DDI2: variants seen among roughly 807,000 people sequenced by gnomAD.
DDI2 encodes protein DDI1 homolog 2.
Under a neutral mutation model 48.1 loss-of-function variants are expected in DDI2, and 5 were observed. The ratio of observed to expected loss-of-function variants is 0.10; its 90% CI spans 0.05 to 0.22. The LOEUF (loss-of-function observed/expected upper bound fraction) is 0.22. Ranked by LOEUF, DDI2 falls within the 10% of genes least tolerant of loss-of-function variation. The pLI is 1.00. For missense variants in DDI2, 285 were observed against 506.2 expected (o/e 0.56, Z 4.19); for synonymous variants, 205 against 183.6 (o/e 1.12, Z -0.94).
At chr1:15,654,199 G>A (rs1018516769) in intron 8 of DDI2, among the ~76,000 whole-genome samples, 3 of 152,204 alleles carry the variant, frequency 2.0e-5, no homozygotes, top group Admixed American at 1.3e-4. Flanking sequence ...AGTGGTAAGA[G>A]TTTTAAAAAC....
chr1:15,636,119 G>C (rs6668726), intron 4 of DDI2, among the ~76,000 whole-genome samples: 1 of 152,028 alleles, frequency 6.6e-6, no homozygotes, highest in Non-Finnish European at 1.5e-5. Context: ...ACTGTAGTTA[G>C]AGCAGGAGTC....
chr1:15,641,955 C>CAAAAAA, intron 5 of DDI2, among the ~76,000 whole-genome samples: 1 of 79,374 alleles, frequency 1.3e-5, no homozygotes, highest in East Asian at 6.0e-4. Context: ...AATTCAGTCT[C>CAAAAAA]AAAAAAAAAA....
rs953942999 is a variant in DDI2, at chr1:15,663,525, A to G, written c.*3735A>G. The G allele has an allele frequency of 2.0e-5, 3 of 152,204 alleles. No individual in the cohort carries two copies. The highest frequency in any genetic ancestry group is 4.4e-5 in the Non-Finnish European group (3 of 68,034). The allele number at this position is 152,204 out of a possible 1,614,324, so 9.4% of individuals were successfully genotyped here. On this transcript the variant is annotated 3_prime_UTR_variant, in exon 10 of 10. Transcript: ENST00000480945. ...CTGCTTTTCAGAGGGCGTGAAGAAC[A>G]ACAGGTCAGCCAGGTTGTCTTTAAG...
At chr1:15,623,552 C>A (rs1639703569) in intron 1 of DDI2, among the ~76,000 whole-genome samples, 1 of 84,448 alleles carries the variant, frequency 1.2e-5, no homozygotes, top group Non-Finnish European at 2.3e-5. Flanking sequence ...TGCTACCATG[C>A]CTGGCTTATT....
intron 4 of DDI2, among the ~76,000 whole-genome samples, chr1:15,636,264 G>A (rs746189868): frequency 6.6e-6 from 1 of 152,066 alleles, no homozygotes; most frequent in Non-Finnish European, 1.5e-5. Flanking sequence ...GAGTAGCTGG[G>A]TCTATAGGCA....
rs1238987132 is a variant in DDI2, at chr1:15,660,281, C to T, written c.*491C>T. On this transcript the variant is annotated 3_prime_UTR_variant, in exon 10 of 10. Transcript: ENST00000480945. ...GAAGCTAGTTTATCTGTCACATCTA[C>T]TAGGATGCATGAACCACAGATGTTT... The T allele has an allele frequency of 1.2e-6, 2 of 1,614,176 alleles. No homozygotes were observed. Among genetic ancestry groups the T allele is most frequent in the Non-Finnish European group, 1.7e-6 (2 of 1,180,034 alleles).
intron 9 of DDI2, 68 bp downstream of exon 9, chr1:15,656,747 A>G (rs898898393): frequency 6.2e-7 from 1 of 1,602,028 alleles, no homozygotes; most frequent in African/African-American, 1.3e-5. Context: ...CTGTATCCGC[A>G]GCAGTTTGGG....
chr1:15,624,298 G>GT (rs1639718985), intron 1 of DDI2, among the ~76,000 whole-genome samples: 1 of 152,058 alleles, frequency 6.6e-6, no homozygotes, highest in Non-Finnish European at 1.5e-5. Flanking sequence ...TGGTTTATGT[G>GT]TTTTTTCCAA....
In DDI2 at chr1:15,630,378, C is replaced by T. The variant is rs564313462; in HGVS notation, c.322C>T (p.Arg108Trp). The T allele has an allele frequency of 4.8e-5, 78 of 1,614,052 alleles. No individual in the cohort carries two copies. Among genetic ancestry groups the T allele is most frequent in the Non-Finnish European group, 6.2e-5 (73 of 1,180,046 alleles). ...AGCTGTGCCTGGCACATCAAGTCCC[C>T]GGCAGCGCCAGCCACCAGGAACACA... ...SIAVPGTSSP[R>W]QRQPPGTQQS... Residue 108 changes from arginine (R) to tryptophan (W), a missense_variant, in exon 3 of 10, where the codon CGG becomes TGG. Transcript: ENST00000480945.
At chr1:15,639,247 C>T (rs747106627) in intron 5 of DDI2, among the ~76,000 whole-genome samples, 1 of 152,044 alleles carries the variant, frequency 6.6e-6, no homozygotes, top group African/African-American at 2.4e-5. Flanking sequence ...AGTAAGACTA[C>T]ACCATGCAGC....
At position 15,661,133 on chromosome 1, in the gene DDI2, T is replaced by C; in HGVS notation, c.*1343T>C. 6.2e-7 allele frequency: 1 copy of C among 1,614,028 alleles called. No individual in the cohort carries two copies. The highest frequency in any genetic ancestry group is 8.5e-7 in the Non-Finnish European group (1 of 1,179,992). On this transcript the variant is annotated 3_prime_UTR_variant, in exon 10 of 10. Coordinates refer to ENST00000480945, the MANE Select transcript of DDI2 (RefSeq NM_032341.5). ...GTCTCCTTTCATCAGGCCATATCTG[T>C]ATCAGTGGAGACAGAAAAATTAACA...
At chr1:15,640,822 A>G (rs550487341) in intron 5 of DDI2, among the ~76,000 whole-genome samples, 3 of 152,044 alleles carry the variant, frequency 2.0e-5, no homozygotes, top group African/African-American at 4.8e-5. Flanking sequence ...GGTACCTGTG[A>G]GTAATATGAG....
At chr1:15,651,582 G>T in intron 7 of DDI2, 124 bp from the exon 8 acceptor site, 1 of 867,260 alleles carries the variant, frequency 1.2e-6, no homozygotes, top group Non-Finnish European at 1.7e-6. Flanking sequence ...GCCTCCCAAA[G>T]TGCTGGGATT....
chr1:15,632,936 A>ATTTT lies in DDI2; in HGVS notation c.506-503_506-502insTTTT, dbSNP rs1557614994. On this transcript the variant is annotated intron_variant, in intron 3 of 9. Coordinates refer to ENST00000480945, the MANE Select transcript of DDI2 (RefSeq NM_032341.5). ...ACTTTTTTTTTTTTTTTTTTTAAAA[A>ATTTT]AAAAAAAACAGGGTCTCACCATGTC... 3.8e-3 allele frequency among the ~76,000 whole-genome samples: 466 copies of ATTTT among 122,270 alleles called. 2 individuals are homozygous for ATTTT. Among genetic ancestry groups the ATTTT allele is most frequent in the African/African-American group, 0.013 (410 of 31,062 alleles). 80.2% of individuals were successfully genotyped at this position (122,270 alleles called of 152,430 possible).
intron 1 of DDI2, 41 bp downstream of exon 1, chr1:15,617,849 C>T (rs1639587870): frequency 4.0e-6 from 6 of 1,505,314 alleles, no homozygotes; most frequent in East Asian, 2.5e-5. Context: ...GGAGCTAAGC[C>T]CTCCCCGCCT....
intron 5 of DDI2, among the ~76,000 whole-genome samples, chr1:15,643,184 G>C (rs909100374): frequency 6.6e-6 from 1 of 152,190 alleles, no homozygotes; most frequent in Admixed American, 6.5e-5. Context: ...AGAGATACTC[G>C]GTAAGAAGTG....
Position 15,661,816 on chromosome 1 carries a change from C to T in DDI2, c.*2026C>T. ...CACACATACACACTCACCACATATA[C>T]AGTATATATAGAAACCTGCAAGCAG... On this transcript the variant is annotated 3_prime_UTR_variant, in exon 10 of 10. Coordinates refer to ENST00000480945, the MANE Select transcript of DDI2 (RefSeq NM_032341.5). 7.0e-7 allele frequency: 1 copy of T among 1,435,780 alleles called. No individual in the cohort carries two copies. Among genetic ancestry groups the T allele is most frequent in the South Asian group, 1.5e-5 (1 of 65,534 alleles). The allele number at this position is 1,435,780 out of a possible 1,614,324, so 88.9% of individuals were successfully genotyped here.
intron 1 of DDI2, among the ~76,000 whole-genome samples, chr1:15,618,585 T>C (rs893035545): frequency 1.3e-5 from 2 of 152,364 alleles, no homozygotes; most frequent in South Asian, 4.1e-4. Flanking sequence ...AACGGCCTAG[T>C]ATCAGTGCTG....
At chr1:15,627,962 C>T (rs1570968548) in intron 2 of DDI2, among the ~76,000 whole-genome samples, 1 of 152,078 alleles carries the variant, frequency 6.6e-6, no homozygotes, top group South Asian at 2.1e-4. Flanking sequence ...AAACTTCTTT[C>T]TGAAGAAGTT....
Sources: allele counts gnomAD v4.1 joint callset (sites outside exome capture counted in the v4.1 genomes callset), GRCh38; gene constraint gnomAD v4.1.1; transcripts MANE v1.5; gene names NCBI Gene and HGNC (gene_info 2026-07-23, HGNC 2026-07-21).